The following LRFN5 variants were observed in gnomAD, a reference collection of about 807,000 sequenced individuals.
The protein encoded by LRFN5 is leucine-rich repeat and fibronectin type-III domain-containing protein 5.
LRFN5 carries 24 observed loss-of-function variants against 45.6 expected under a neutral mutation model. That is an observed-to-expected ratio of 0.53 (90% confidence interval 0.38 to 0.74). The LOEUF (loss-of-function observed/expected upper bound fraction) is 0.74, where lower values mean the gene tolerates loss of function less well. Among genes scored for constraint, LRFN5 ranks in the 30% least tolerant of loss-of-function variants. LRFN5 has a pLI of 0.00. For missense variants in LRFN5, 776 were observed against 861.5 expected (o/e 0.90, Z 1.24); for synonymous variants, 340 against 313.8 (o/e 1.08, Z -0.88).
chr14:41,696,547 T>TCACAATCTGTTGATTGGGATATCAA (rs149987994), intron 1 of LRFN5, among the ~76,000 whole-genome samples: 3 of 150,898 alleles, frequency 2.0e-5, no homozygotes, highest in Admixed American at 2.0e-4. Flanking sequence ...TCTGCAGACA[T>TCACAATCTGTTGATTGGGATATCAA]CACAATCTGT....
At chr14:41,695,790 A>G (rs2138714639) in intron 1 of LRFN5, among the ~76,000 whole-genome samples, 1 of 152,142 alleles carries the variant, frequency 6.6e-6, no homozygotes, top group East Asian at 1.9e-4. Flanking sequence ...GAGCTCTGAT[A>G]GAGATGTACG....
rs148871142 is a variant in LRFN5, at chr14:41,633,847, GTGTA to G, written c.-197+25301_-197+25304del. Reference sequence around the variant, plus strand: ...TAGACCCTATCTTCCTCATACACAAGTGTATGTATGTATGTATGTTTTTTCCCTA... The same window carrying G: ...TAGACCCTATCTTCCTCATACACAAGTGTATGTATGTATGTTTTTTCCCTA... On this transcript the variant is annotated intron_variant, in intron 1 of 5. Coordinates refer to ENST00000298119, the MANE Select transcript of LRFN5 (RefSeq NM_152447.5). 6.3e-3 allele frequency among the ~76,000 whole-genome samples: 954 copies of G among 152,048 alleles called. 14 individuals carry two copies. The highest frequency in any genetic ancestry group is 0.022 in the African/African-American group (927 of 41,510).
At chr14:41,868,913 A>G (rs759984971) in intron 2 of LRFN5, among the ~76,000 whole-genome samples, 24 of 152,178 alleles carry the variant, frequency 1.6e-4, no homozygotes, top group Non-Finnish European at 2.4e-4. Context: ...CATGGAAACT[A>G]CATTCCCTCC....
intron 1 of LRFN5, among the ~76,000 whole-genome samples, chr14:41,746,506 A>G (rs1884925866): frequency 6.6e-6 from 1 of 152,046 alleles, no homozygotes; most frequent in Non-Finnish European, 1.5e-5. Context: ...GTTAGGCAAT[A>G]AAAACAAATA....
chr14:41,673,779 G>T (rs1400201836), intron 1 of LRFN5, among the ~76,000 whole-genome samples: 1 of 146,916 alleles, frequency 6.8e-6, no homozygotes, highest in Non-Finnish European at 1.5e-5. Context: ...CCCGGACGGG[G>T]CGGCTGGCCG....
At chr14:41,784,682 G>A (rs1393702728) in intron 2 of LRFN5, among the ~76,000 whole-genome samples, 3 of 151,998 alleles carry the variant, frequency 2.0e-5, no homozygotes, top group East Asian at 1.9e-4. Context: ...AGGCTGGAGT[G>A]CAATGGTGCA....
intron 1 of LRFN5, among the ~76,000 whole-genome samples, chr14:41,764,324 A>T (rs1885789262): frequency 6.6e-6 from 1 of 152,218 alleles, no homozygotes; most frequent in African/African-American, 2.4e-5. Context: ...ACTAAAATAG[A>T]AATATGTATT....
chr14:41,675,056 A>G (rs1430647492), intron 1 of LRFN5, among the ~76,000 whole-genome samples: 3 of 151,670 alleles, frequency 2.0e-5, no homozygotes, highest in Non-Finnish European at 4.4e-5. Context: ...GCGGCCAGGA[A>G]GAGGCGCTCC....
At chr14:41,814,348 T>C (rs924698917) in intron 2 of LRFN5, among the ~76,000 whole-genome samples, 7 of 152,168 alleles carry the variant, frequency 4.6e-5, no homozygotes, top group Non-Finnish European at 1.0e-4. Context: ...TACACTTCAC[T>C]ATAAAAGGTC....
rs778299563 is a variant in LRFN5 at position 41,887,191 on chromosome 14, G to A, written c.566G>A (p.Gly189Glu). 1.4e-5 allele frequency: 23 copies of A among 1,613,870 alleles called. No individual in the cohort carries two copies. The Admixed American group carries it at 3.7e-4, about 26-fold the overall frequency. The change falls in exon 3 of 6, where the codon GGG becomes GAG. Residue 189 changes from glycine to glutamate, a missense_variant. Gly to Glu is a moderately conservative substitution (Grantham distance 98). This residue lies in a region of LRFN5 where 311 missense variants were observed against 405.1 expected (regional missense o/e 0.77). Coordinates refer to ENST00000298119, the MANE Select transcript of LRFN5 (RefSeq NM_152447.5). This position sits in a 1 kb window ranked among gnomAD's most constrained non-coding sequence, Gnocchi z 4.8. ...AATATGATTGATAACATTCCTAAGG[G>A]GACCTTCTCCCATTTGCACAAGATG... Reference protein sequence around the residue: ...DHNMIDNIPKGTFSHLHKMTR... With the variant: ...DHNMIDNIPKETFSHLHKMTR...
chr14:41,858,090 G>A (rs1409448884), intron 2 of LRFN5, among the ~76,000 whole-genome samples: 1 of 152,142 alleles, frequency 6.6e-6, no homozygotes, highest in Non-Finnish European at 1.5e-5. Context: ...ATGACATTGT[G>A]GGTTTTTAAT....
chr14:41,874,449 T>C (rs1484604511), intron 2 of LRFN5, among the ~76,000 whole-genome samples: 2 of 152,200 alleles, frequency 1.3e-5, no homozygotes, highest in Non-Finnish European at 2.9e-5. Flanking sequence ...CAGGGCAATA[T>C]CACAGCAACA....
At chr14:41,615,703 G>A (rs1312509434) in intron 1 of LRFN5, among the ~76,000 whole-genome samples, 1 of 152,080 alleles carries the variant, frequency 6.6e-6, no homozygotes, top group African/African-American at 2.4e-5. Context: ...CATTTTAGAT[G>A]TTACCATTTG....
chr14:41,899,581 A>T (rs1204928485), intron 5 of LRFN5, among the ~76,000 whole-genome samples: 1 of 152,098 alleles, frequency 6.6e-6, no homozygotes, highest in Non-Finnish European at 1.5e-5. Flanking sequence ...GTGTTTCCAG[A>T]GCAGAGAAGC....
intron 1 of LRFN5, among the ~76,000 whole-genome samples, chr14:41,664,929 A>C: frequency 6.6e-6 from 1 of 152,152 alleles, no homozygotes; most frequent in East Asian, 1.9e-4. Flanking sequence ...ATAACTGCCA[A>C]ATATCTGGGT....
At chr14:41,745,639 G>GA (rs200448228) in intron 1 of LRFN5, among the ~76,000 whole-genome samples, 2 of 144,264 alleles carry the variant, frequency 1.4e-5, no homozygotes, top group Admixed American at 7.1e-5. Flanking sequence ...ATTGGACTAA[G>GA]AAAAAAAGAG....
chr14:41,712,054 T>C (rs1883306604), intron 1 of LRFN5, among the ~76,000 whole-genome samples: 1 of 152,114 alleles, frequency 6.6e-6, no homozygotes, highest in Non-Finnish European at 1.5e-5. Flanking sequence ...AAAGAATTGT[T>C]GAAGTTGACG....
At chr14:41,660,773 G>T (rs967121411) in intron 1 of LRFN5, among the ~76,000 whole-genome samples, 5 of 151,418 alleles carry the variant, frequency 3.3e-5, no homozygotes, top group Non-Finnish European at 7.4e-5. Context: ...AAGTGATTCT[G>T]ATGCATGTGG....
intron 4 of LRFN5, 110 bp from the exon 5 acceptor site, chr14:41,898,807 C>A: frequency 1.0e-6 from 1 of 1,002,006 alleles, no homozygotes; most frequent in Non-Finnish European, 1.5e-6. Context: ...TTAGATAAAT[C>A]TTTGTTAATT....
Sources: allele counts gnomAD v4.1 joint callset (sites outside exome capture counted in the v4.1 genomes callset), GRCh38; gene constraint gnomAD v4.1.1; regional missense constraint gnomAD v4.1.1; non-coding constraint Gnocchi (gnomAD v3.1); transcripts MANE v1.5; gene names NCBI Gene and HGNC (gene_info 2026-07-23, HGNC 2026-07-21).